Variants in ANKRD44 observed in about 807,000 individuals in gnomAD.
ANKRD44 encodes serine/threonine-protein phosphatase 6 regulatory ankyrin repeat subunit B.
In ANKRD44, 35 loss-of-function variants were observed where a neutral mutation model predicts 116.0. The ratio of observed to expected loss-of-function variants is 0.30; its 90% CI spans 0.23 to 0.40. The LOEUF (loss-of-function observed/expected upper bound fraction) is 0.40. Among genes scored for constraint, ANKRD44 ranks in the 10% least tolerant of loss-of-function variants. The probability of loss-of-function intolerance (pLI) is 1.00; values close to 1 mark genes in which losing one functional copy is unlikely to be tolerated. For synonymous variants in ANKRD44, 435 were observed against 461.8 expected (o/e 0.94, Z 0.74); for missense variants, 1,014 against 1,242.6 (o/e 0.82, Z 2.77).
intron 9 of ANKRD44, among the ~76,000 whole-genome samples, chr2:197,108,229 C>T (rs2078479688): frequency 1.3e-5 from 2 of 152,316 alleles, no homozygotes; most frequent in East Asian, 3.9e-4. Flanking sequence ...TCTGCCTCAG[C>T]TTCCTCATCT....
At position 197,132,796 on chromosome 2, in the gene ANKRD44, CA is replaced by C. The variant is rs200657945; in HGVS notation, c.261+3795del. Among the ~76,000 whole-genome samples the C allele has an allele frequency of 4.4e-3, 635 of 145,420 alleles. 5 individuals carry two copies. Among genetic ancestry groups the C allele is most frequent in the African/African-American group, 0.014 (567 of 39,542 alleles). ...AAAACCCAGTCTTTAATGAATAACT[CA>C]AAAAAAAAACAATTCTTTTCTAACT... On this transcript the variant is annotated intron_variant, in intron 4 of 27. Transcript: ENST00000282272.
rs1422310676 is a variant in ANKRD44, at chr2:197,184,596, C to T, written c.111+2427G>A. 7.6e-5 allele frequency among the ~76,000 whole-genome samples: 11 copies of T among 145,392 alleles called. No individual in the cohort carries two copies. In the East Asian group the frequency reaches 2.2e-3, roughly 30 times the overall value. ...TGGTGGTTGCAGTGAGCCGAGATCACGCCACTGCACTCCAGCCTGGGCAGC... is the reference window on the plus strand; with the variant it reads ...TGGTGGTTGCAGTGAGCCGAGATCATGCCACTGCACTCCAGCCTGGGCAGC... On this transcript the variant is annotated intron_variant, in intron 2 of 27. Transcript: ENST00000282272.
chr2:197,103,040 A>C (rs10176750), intron 9 of ANKRD44, among the ~76,000 whole-genome samples: 5,747 of 152,024 alleles, frequency 0.038, 363 homozygotes, highest in African/African-American at 0.13. Context: ...CCATCCTGGC[A>C]AACACGGTGA....
chr2:197,157,644 C>A (rs367620289), intron 2 of ANKRD44, among the ~76,000 whole-genome samples: 2 of 140,454 alleles, frequency 1.4e-5, no homozygotes, highest in African/African-American at 5.2e-5. Flanking sequence ...TGCCACTGCA[C>A]TCCAGCCTGG....
chr2:197,163,068 G>A (rs1226619502), intron 2 of ANKRD44, among the ~76,000 whole-genome samples: 1 of 152,288 alleles, frequency 6.6e-6, no homozygotes, highest in East Asian at 1.9e-4. Flanking sequence ...AGTGAAGATA[G>A]CAACCACCTC....
At chr2:197,291,069 C>T (rs2083556080) in intron 1 of ANKRD44, among the ~76,000 whole-genome samples, 1 of 152,048 alleles carries the variant, frequency 6.6e-6, no homozygotes, top group Non-Finnish European at 1.5e-5. Context: ...ATTTGCCAGG[C>T]ATGCTGGTGT....
intron 9 of ANKRD44, among the ~76,000 whole-genome samples, chr2:197,109,523 T>C (rs2078515767): frequency 6.6e-6 from 1 of 152,250 alleles, no homozygotes; most frequent in Admixed American, 6.5e-5. Context: ...ATAATTCCAC[T>C]GGCTGGTCTT....
chr2:197,043,357 T>C lies in ANKRD44; in HGVS notation c.1651-18090A>G, dbSNP rs2076945952. Among the ~76,000 whole-genome samples the C allele has an allele frequency of 3.3e-5, 5 of 152,282 alleles. No homozygotes were observed. In the South Asian group the frequency reaches 1.0e-3, roughly 32 times the overall value. On this transcript the variant is annotated intron_variant, in intron 16 of 27. Coordinates refer to ENST00000282272, the MANE Select transcript of ANKRD44 (RefSeq NM_001195144.2). Reference sequence around the variant, plus strand: ...ATTATCTATTAGAATGACTTTGCTCTAGTTTTGACAAGGCTTTTTAAAAAT... The same window carrying C: ...ATTATCTATTAGAATGACTTTGCTCCAGTTTTGACAAGGCTTTTTAAAAAT...
chr2:197,064,641 G>A (rs1185186119), intron 16 of ANKRD44, among the ~76,000 whole-genome samples: 1 of 152,094 alleles, frequency 6.6e-6, no homozygotes, highest in African/African-American at 2.4e-5. Context: ...AAAAAAGGCA[G>A]GGGTTGCAAT....
chr2:197,273,980 A>ATATATAT (rs1339525916), intron 1 of ANKRD44, among the ~76,000 whole-genome samples: 1 of 43,928 alleles, frequency 2.3e-5, no homozygotes, highest in African/African-American at 1.0e-4. Flanking sequence ...AAAAAAAAAA[A>ATATATAT]ATATATATAT....
In ANKRD44 at chr2:197,121,370, C is replaced by G. The variant is rs2078849293; in HGVS notation, c.868G>C (p.Glu290Gln). 1 of 1,614,156 alleles carries G rather than the reference C, an allele frequency of 6.2e-7. No individual in the cohort carries two copies. Among genetic ancestry groups the G allele is most frequent in the Non-Finnish European group, 8.5e-7 (1 of 1,180,038 alleles). Residue 290 changes from glutamate (E) to glutamine (Q), a missense_variant, in exon 8 of 28, where the codon GAA becomes CAA. Transcript: ENST00000282272. The part of the protein sequence containing the change: ...AASTHGALCL[E>Q]LLVNNGADVN... ...TCTGCCCCGTTGTTTACTAACAATT[C>G]AAGACACAAAGCACCATGAGTGGAG...
chr2:197,279,364 C>T (rs1209768014), intron 1 of ANKRD44, among the ~76,000 whole-genome samples: 2 of 152,180 alleles, frequency 1.3e-5, no homozygotes, highest in Non-Finnish European at 2.9e-5. Context: ...TCTCTATATA[C>T]ATCATGGTTA....
At chr2:196,996,748 A>T (rs2076019112) in intron 25 of ANKRD44, among the ~76,000 whole-genome samples, 1 of 151,990 alleles carries the variant, frequency 6.6e-6, no homozygotes, top group South Asian at 2.1e-4. Flanking sequence ...CCTAAAAAAT[A>T]CAAAAATTAG....
At chr2:197,012,082 C>T (rs1252160250) in intron 18 of ANKRD44, among the ~76,000 whole-genome samples, 1 of 152,166 alleles carries the variant, frequency 6.6e-6, no homozygotes, top group Non-Finnish European at 1.5e-5. Context: ...ATTGGCCTCT[C>T]AAAAAAGTTG....
At chr2:197,250,186 C>T (rs1311116299) in intron 1 of ANKRD44, among the ~76,000 whole-genome samples, 1 of 152,180 alleles carries the variant, frequency 6.6e-6, no homozygotes, top group Non-Finnish European at 1.5e-5. Flanking sequence ...CATCTTCTCG[C>T]TCTGCCAGCC....
intron 1 of ANKRD44, among the ~76,000 whole-genome samples, chr2:197,270,608 A>G (rs2082870809): frequency 6.6e-6 from 1 of 152,372 alleles, no homozygotes; most frequent in Non-Finnish European, 1.5e-5. Context: ...CATCTGGGTC[A>G]AAGGTAAAAG....
chr2:197,125,361 T>C lies in ANKRD44; in HGVS notation c.550+20A>G. 1 of 1,608,928 alleles carries C rather than the reference T, an allele frequency of 6.2e-7. No homozygotes were observed. Among genetic ancestry groups the C allele is most frequent in the East Asian group, 2.2e-5 (1 of 44,872 alleles). On this transcript the variant is annotated intron_variant, in intron 6 of 27. Transcript: ENST00000282272. ...AGTTAAGGTTATCTGTACTTTGCTT[T>C]CCATGCATGGAATCCTTACCCATGT...
intron 1 of ANKRD44, among the ~76,000 whole-genome samples, chr2:197,252,977 C>G (rs1574367235): frequency 2.6e-5 from 4 of 152,276 alleles, no homozygotes; most frequent in African/African-American, 9.6e-5. Context: ...ACCGTAGGCA[C>G]AGATCACGTG....
At chr2:197,092,856 T>TC (rs1227126363) in intron 10 of ANKRD44, among the ~76,000 whole-genome samples, 34 of 151,728 alleles carry the variant, frequency 2.2e-4, no homozygotes, top group Admixed American at 2.2e-3. Context: ...AAACATTCTT[T>TC]TTTTTCAATG....
Sources: gnomAD v4.1 joint callset for allele counts (sites outside exome capture counted in the v4.1 genomes callset) on GRCh38, gnomAD v4.1.1 for gene constraint, MANE v1.5 for transcripts, NCBI Gene and HGNC (gene_info 2026-07-23, HGNC 2026-07-21) for gene names.